PPTC7: variants seen among roughly 807,000 people sequenced by gnomAD.
PPTC7 encodes the protein protein phosphatase PTC7 homolog.
In PPTC7, 6 loss-of-function variants were observed where a neutral mutation model predicts 30.8. The observed-to-expected ratio is 0.19, with a 90% CI of 0.11 to 0.38. The LOEUF (loss-of-function observed/expected upper bound fraction) is 0.38, where lower values mean the gene tolerates loss of function less well. PPTC7 is among the 10% of genes least tolerant of loss of function. The pLI, the probability that PPTC7 is intolerant of heterozygous loss-of-function variation, is 1.00. For synonymous variants in PPTC7, 163 were observed against 168.1 expected (o/e 0.97, Z 0.23); for missense variants, 218 against 404.8 (o/e 0.54, Z 3.96).
chr12:110,535,060 ACTTT>A lies in PPTC7; in HGVS notation c.*1973_*1976del, dbSNP rs927704871. 4 of 152,656 alleles carry A rather than the reference ACTTT, an allele frequency of 2.6e-5. No homozygotes were observed. Among genetic ancestry groups the A allele is most frequent in the African/African-American group, 9.6e-5 (4 of 41,456 alleles). 9.5% of individuals were successfully genotyped at this position (152,656 alleles called of 1,614,324 possible). On this transcript the variant is annotated 3_prime_UTR_variant, in exon 6 of 6. Transcript: ENST00000354300. ...TTCTAACAAAACCCTTCTGGATGCA[ACTTT>A]CTTTACTTTTTAAATACACAGAGAC...
chr12:110,550,674 T>C (rs2064343650), intron 2 of PPTC7, among the ~76,000 whole-genome samples: 1 of 152,190 alleles, frequency 6.6e-6, no homozygotes, highest in Admixed American at 6.5e-5. Context: ...GGAAATCATG[T>C]AACAAACAAA....
chr12:110,536,900 C>G lies in PPTC7; in HGVS notation c.*137G>C, dbSNP rs1262081244. ...TCTCAACAAAGATCTCAACGAGTCTCAAGAAGACAGGCAAAAGACTTACAT... is the reference window on the plus strand; with the variant it reads ...TCTCAACAAAGATCTCAACGAGTCTGAAGAAGACAGGCAAAAGACTTACAT... On this transcript the variant is annotated 3_prime_UTR_variant, in exon 6 of 6. Transcript: ENST00000354300. 1.5e-6 allele frequency: 1 copy of G among 682,776 alleles called. No individual in the cohort carries two copies. The highest frequency in any genetic ancestry group is 2.6e-6 in the Non-Finnish European group (1 of 379,706). The allele number at this position is 682,776 out of a possible 1,614,324, so 42.3% of individuals were successfully genotyped here.
intron 3 of PPTC7, among the ~76,000 whole-genome samples, chr12:110,543,590 T>C (rs2064281622): frequency 2.6e-5 from 4 of 151,930 alleles, no homozygotes; most frequent in African/African-American, 9.7e-5. Context: ...AGGTTGGCAC[T>C]GAAGCTCTGT....
chr12:110,555,748 G>A, intron 1 of PPTC7, among the ~76,000 whole-genome samples: 1 of 152,134 alleles, frequency 6.6e-6, no homozygotes, highest in Non-Finnish European at 1.5e-5. Context: ...ACATTTCATT[G>A]TTTTTCAAGG....
intron 1 of PPTC7, among the ~76,000 whole-genome samples, chr12:110,561,628 T>C (rs950488238): frequency 2.6e-5 from 4 of 152,002 alleles, no homozygotes; most frequent in Non-Finnish European, 5.9e-5. Context: ...CCAGCCTATA[T>C]CAACATTTCT....
At chr12:110,540,139 T>C (rs528796242) in intron 3 of PPTC7, among the ~76,000 whole-genome samples, 194 bp from the exon 4 acceptor site, 1 of 152,154 alleles carries the variant, frequency 6.6e-6, no homozygotes, top group South Asian at 2.1e-4. Context: ...AATTCTAATA[T>C]AAATGTTTCA....
chr12:110,553,843 T>C (rs149883684), intron 1 of PPTC7, among the ~76,000 whole-genome samples: 107 of 152,300 alleles, frequency 7.0e-4, no homozygotes, highest in African/African-American at 2.5e-3. Flanking sequence ...TTATCAAGAC[T>C]GAGCTCACCT....
intron 1 of PPTC7, among the ~76,000 whole-genome samples, chr12:110,568,044 A>G (rs1305405999): frequency 1.3e-5 from 2 of 148,234 alleles, no homozygotes; most frequent in South Asian, 2.1e-4. Flanking sequence ...CCTTAACATG[A>G]TAATTTAGTC....
At chr12:110,540,319 GC>G (rs1249258609) in intron 3 of PPTC7, among the ~76,000 whole-genome samples, 5 of 102,850 alleles carry the variant, frequency 4.9e-5, no homozygotes, top group African/African-American at 1.9e-4. Context: ...ATCCCCCCCC[GC>G]CTTTTTTTTT....
At position 110,574,141 on chromosome 12, in the gene PPTC7, TAAAAAAAAAAAAA is replaced by T. The variant is rs58133391; in HGVS notation, c.223+8655_223+8667del. On this transcript the variant is annotated intron_variant, in intron 1 of 5. Transcript: ENST00000354300. ...AGAGAGACTCTGTCTCCACAATAAT[TAAAAAAAAAAAAA>T]AAAAAAAAAAAAAAAAAAAATTAAA... Among the ~76,000 whole-genome samples the T allele has an allele frequency of 9.1e-4, 34 of 37,450 alleles. No homozygotes were observed. The East Asian group carries it at 9.4e-3, about 10-fold the overall frequency. The allele number at this position is 37,450 out of a possible 152,430, so 24.6% of individuals were successfully genotyped here. A position where few individuals can be genotyped will look rare whatever the true frequency, so the allele number is the denominator to read the frequency against.
At chr12:110,565,481 C>A (rs1204100695) in intron 1 of PPTC7, among the ~76,000 whole-genome samples, 1 of 152,100 alleles carries the variant, frequency 6.6e-6, no homozygotes, top group East Asian at 1.9e-4. Flanking sequence ...GTCTTGAACT[C>A]CTGACCTTGT....
intron 1 of PPTC7, among the ~76,000 whole-genome samples, chr12:110,574,450 G>A (rs1289262484): frequency 6.6e-6 from 1 of 151,952 alleles, no homozygotes; most frequent in Non-Finnish European, 1.5e-5. Context: ...AAAAAAGAAT[G>A]AAGCATTTTT....
intron 5 of PPTC7, among the ~76,000 whole-genome samples, 199 bp from the exon 6 acceptor site, chr12:110,537,294 T>C (rs2064225897): frequency 6.6e-6 from 1 of 151,866 alleles, no homozygotes; most frequent in South Asian, 2.1e-4. Context: ...TACATGAAAC[T>C]GAAGCTTAAA....
At chr12:110,570,657 TG>T (rs1286501078) in intron 1 of PPTC7, among the ~76,000 whole-genome samples, 29 of 107,190 alleles carry the variant, frequency 2.7e-4, no homozygotes, top group Non-Finnish European at 4.5e-4. Flanking sequence ...AATACTGCTT[TG>T]TAAAGCACTG....
intron 1 of PPTC7, among the ~76,000 whole-genome samples, chr12:110,576,726 A>AG (rs1185410989): frequency 6.6e-6 from 1 of 151,848 alleles, no homozygotes; most frequent in Non-Finnish European, 1.5e-5. Flanking sequence ...GCTAATGGAT[A>AG]GGGGGTTTCT....
intron 1 of PPTC7, among the ~76,000 whole-genome samples, chr12:110,554,901 C>A (rs1157847843): frequency 6.6e-6 from 1 of 152,098 alleles, no homozygotes; most frequent in Admixed American, 6.6e-5. Context: ...GAATTTTTGC[C>A]TTTTACTTCA....
chr12:110,564,461 C>T (rs565546908), intron 1 of PPTC7, among the ~76,000 whole-genome samples: 1 of 152,322 alleles, frequency 6.6e-6, no homozygotes, highest in Admixed American at 6.5e-5. Flanking sequence ...GATTTTCCTT[C>T]TGTTTATAAT....
At chr12:110,556,680 C>G (rs2064389983) in intron 1 of PPTC7, among the ~76,000 whole-genome samples, 1 of 152,186 alleles carries the variant, frequency 6.6e-6, no homozygotes, top group African/African-American at 2.4e-5. Flanking sequence ...TAAGAATACC[C>G]TAAGAGCAAA....
intron 1 of PPTC7, among the ~76,000 whole-genome samples, chr12:110,563,379 G>A (rs1279035806): frequency 1.3e-5 from 2 of 152,112 alleles, no homozygotes; most frequent in African/African-American, 4.8e-5. Flanking sequence ...CACTTTGGGA[G>A]GCCAAGGCAG....
Sources: allele counts gnomAD v4.1 joint callset (sites outside exome capture counted in the v4.1 genomes callset), GRCh38; gene constraint gnomAD v4.1.1; transcripts MANE v1.5; gene names NCBI Gene and HGNC (gene_info 2026-07-23, HGNC 2026-07-21).